Variants in TIAM1 observed in about 807,000 individuals in gnomAD.
TIAM1 encodes TIAM Rac1 associated GEF 1, also known as rho guanine nucleotide exchange factor TIAM1.
TIAM1 carries 65 observed loss-of-function variants against 163.5 expected under a neutral mutation model. That is an observed-to-expected ratio of 0.40 (90% confidence interval 0.33 to 0.49). TIAM1 has a LOEUF of 0.49. TIAM1 is among the 20% of genes least tolerant of loss of function. The probability of loss-of-function intolerance (pLI) is 0.77; values close to 1 mark genes in which losing one functional copy is unlikely to be tolerated. For synonymous variants in TIAM1, 833 were observed against 810.1 expected, an observed-to-expected ratio of 1.03 and a Z score of -0.48; for missense variants, 1,789 against 2,044.7, an observed-to-expected ratio of 0.87 and a Z score of 2.41.
At chr21:31,144,417 T>C (rs2083006379) in intron 20 of TIAM1, among the ~76,000 whole-genome samples, 1 of 152,246 alleles carries the variant, frequency 6.6e-6, no homozygotes, top group Non-Finnish European at 1.5e-5. Context: ...TTCACAGCGC[T>C]TGGCGCAGTC....
At chr21:31,453,065 T>C in intron 2 of TIAM1, 1 of 392,988 alleles carries the variant, frequency 2.5e-6, no homozygotes, top group South Asian at 2.3e-5. Flanking sequence ...ATCTGGGAGA[T>C]ATATTGGATC....
Position 31,195,191 on chromosome 21 carries a change from C to T in TIAM1, c.2575+33G>A, listed in dbSNP as rs777145980. On this transcript the variant is annotated intron_variant, in intron 13 of 27. Transcript: ENST00000541036. ...GCATGCTTACATAAGAAATACTTTA[C>T]CTTAAAACACAAACAAAGAAAAATA... is the stretch of plus-strand genomic sequence containing the variant. 6 of 1,542,390 alleles carry T rather than the reference C, an allele frequency of 3.9e-6. 1 individual carries two copies. In the South Asian group the frequency reaches 4.5e-5, roughly 12 times the overall value.
intron 2 of TIAM1, among the ~76,000 whole-genome samples, chr21:31,337,470 C>T (rs1376969053): frequency 2.0e-5 from 3 of 150,870 alleles, no homozygotes; most frequent in East Asian, 3.9e-4. Flanking sequence ...CATGGACAGC[C>T]GGTGCTCCAA....
chr21:31,454,155 G>A (rs1371057602), intron 2 of TIAM1, among the ~76,000 whole-genome samples: 1 of 152,058 alleles, frequency 6.6e-6, no homozygotes, highest in African/African-American at 2.4e-5. Flanking sequence ...GATTGTTTTT[G>A]TCTCCCCCTG....
intron 8 of TIAM1, among the ~76,000 whole-genome samples, chr21:31,222,847 A>G (rs2087700304): frequency 6.7e-6 from 1 of 149,390 alleles, no homozygotes; most frequent in Admixed American, 6.7e-5. Flanking sequence ...CCTCCTGAGT[A>G]GCTGGGATTA....
Position 31,183,971 on chromosome 21 carries a change from C to T in TIAM1, c.2663-1326G>A, listed in dbSNP as rs535363174. On this transcript the variant is annotated intron_variant, in intron 14 of 27. Transcript: ENST00000541036. ...TTTTATTTATTTATTTTTTCTGAGA[C>T]GAAGTCTCACTCTGTTGCCCAGGCT... Among the ~76,000 whole-genome samples, 32 of 151,762 alleles carry T rather than the reference C, an allele frequency of 2.1e-4. No individual in the cohort carries two copies. The East Asian group carries it at 2.3e-3, about 11-fold the overall frequency.
intron 2 of TIAM1, among the ~76,000 whole-genome samples, chr21:31,370,375 A>G (rs2076575929): frequency 6.6e-6 from 1 of 152,218 alleles, no homozygotes; most frequent in Non-Finnish European, 1.5e-5. Flanking sequence ...GGCTGGAACA[A>G]TATGGCTTTT....
chr21:31,161,154 T>C (rs918255740), intron 16 of TIAM1, among the ~76,000 whole-genome samples: 5 of 151,900 alleles, frequency 3.3e-5, no homozygotes, highest in Non-Finnish European at 7.4e-5. Flanking sequence ...AAAAACAATA[T>C]GGATGAGAAA....
At chr21:31,432,097 T>TC (rs2044053667) in intron 2 of TIAM1, among the ~76,000 whole-genome samples, 1 of 128,358 alleles carries the variant, frequency 7.8e-6, no homozygotes, top group Non-Finnish European at 1.6e-5. Context: ...ATTCCTTTTT[T>TC]TTTTTTTTTT....
intron 3 of TIAM1, among the ~76,000 whole-genome samples, chr21:31,275,228 G>C (rs16988056): frequency 0.048 from 7,269 of 151,966 alleles, 223 homozygotes; most frequent in Non-Finnish European, 0.065. Flanking sequence ...CGGATGGATT[G>C]CTTGTAGGGC....
intron 5 of TIAM1, among the ~76,000 whole-genome samples, chr21:31,248,827 G>A (rs939124570): frequency 1.3e-5 from 2 of 152,066 alleles, no homozygotes; most frequent in African/African-American, 4.8e-5. Context: ...ACTCAGCTCT[G>A]CGTCACCAAG....
chr21:31,513,863 C>G (rs958517662), intron 1 of TIAM1, among the ~76,000 whole-genome samples: 3 of 151,830 alleles, frequency 2.0e-5, no homozygotes, highest in Non-Finnish European at 2.9e-5. Context: ...CAAAATTAGC[C>G]GGGCATGGTG....
chr21:31,476,853 G>T (rs1041559436), intron 1 of TIAM1, among the ~76,000 whole-genome samples: 1 of 152,162 alleles, frequency 6.6e-6, no homozygotes, highest in Non-Finnish European at 1.5e-5. Context: ...TTTTAAACTT[G>T]ATTGTATATA....
intron 1 of TIAM1, among the ~76,000 whole-genome samples, chr21:31,484,392 G>A (rs938815054): frequency 3.3e-5 from 5 of 152,176 alleles, no homozygotes; most frequent in African/African-American, 7.2e-5. Context: ...AGCTCAATAC[G>A]TCAACACCTG....
chr21:31,317,546 G>A (rs760333146), intron 2 of TIAM1, among the ~76,000 whole-genome samples: 1 of 152,244 alleles, frequency 6.6e-6, no homozygotes, highest in Admixed American at 6.5e-5. Flanking sequence ...TTGGGAGGCC[G>A]AAGTGGGTGG....
intron 1 of TIAM1, among the ~76,000 whole-genome samples, chr21:31,484,924 C>T (rs2046224816): frequency 6.6e-6 from 1 of 152,172 alleles, no homozygotes; most frequent in South Asian, 2.1e-4. Flanking sequence ...CAAGAGGTCT[C>T]AGAGTACAAG....
intron 2 of TIAM1, among the ~76,000 whole-genome samples, chr21:31,443,818 C>G (rs977004751): frequency 1.3e-5 from 2 of 152,192 alleles, no homozygotes; most frequent in African/African-American, 4.8e-5. Context: ...CAAATAAGCT[C>G]AGAGCATCCC....
chr21:31,528,276 AG>A (rs1035621924), intron 1 of TIAM1, among the ~76,000 whole-genome samples: 8 of 152,190 alleles, frequency 5.3e-5, no homozygotes, highest in African/African-American at 1.7e-4. Context: ...GCACTTTGGG[AG>A]GCCAAGGCAG....
intron 4 of TIAM1, among the ~76,000 whole-genome samples, chr21:31,258,708 C>T (rs949604560): frequency 9.9e-5 from 15 of 151,488 alleles, no homozygotes; most frequent in African/African-American, 2.7e-4. Flanking sequence ...CCAGCTACTC[C>T]GGAGGCTGAG....
Sources: allele counts gnomAD v4.1 joint callset (sites outside exome capture counted in the v4.1 genomes callset), GRCh38; gene constraint gnomAD v4.1.1; transcripts MANE v1.5; gene names NCBI Gene and HGNC (gene_info 2026-07-23, HGNC 2026-07-21).